Variants in COMMD10 observed in about 807,000 individuals in gnomAD.
COMMD10 encodes the protein COMM domain containing 10.
In COMMD10, 33 loss-of-function variants were observed where a neutral mutation model predicts 28.9. The observed-to-expected ratio is 1.14, with a 90% CI of 0.87 to 1.53. COMMD10 has a LOEUF of 1.53. Ranked by LOEUF, COMMD10 falls within the 40% of genes most tolerant of loss-of-function variation. COMMD10 has a pLI of 0.00. For synonymous variants in COMMD10, 110 were observed against 81.7 expected, an observed-to-expected ratio of 1.35 and a Z score of -1.87; for missense variants, 310 against 233.4, an observed-to-expected ratio of 1.33 and a Z score of -2.14.
intron 5 of COMMD10, among the ~76,000 whole-genome samples, chr5:116,243,637 C>T (rs564566675): frequency 6.6e-6 from 1 of 152,198 alleles, no homozygotes; most frequent in South Asian, 2.1e-4. Flanking sequence ...AGTGAGTATT[C>T]AGTAAATTTA....
chr5:116,291,370 A>T, intron 5 of COMMD10, 147 bp from the exon 6 acceptor site: 2 of 590,098 alleles, frequency 3.4e-6, no homozygotes, highest in South Asian at 4.3e-5. Flanking sequence ...GAGTTCTAGG[A>T]ATCATGGGGT....
chr5:116,086,019 T>C (rs1750079427), intron 1 of COMMD10, among the ~76,000 whole-genome samples: 1 of 152,196 alleles, frequency 6.6e-6, no homozygotes, highest in Non-Finnish European at 1.5e-5. Flanking sequence ...GAAACTACCC[T>C]CCACAGTGTG....
intron 4 of COMMD10, among the ~76,000 whole-genome samples, chr5:116,132,716 T>G (rs1177395555): frequency 6.6e-6 from 1 of 152,166 alleles, no homozygotes; most frequent in Non-Finnish European, 1.5e-5. Flanking sequence ...TCCTATTTTA[T>G]TGGAGAGTCT....
chr5:116,198,496 G>A (rs1460602512), intron 5 of COMMD10, among the ~76,000 whole-genome samples: 3 of 152,190 alleles, frequency 2.0e-5, no homozygotes, highest in East Asian at 1.9e-4. Context: ...AGAGTGATAT[G>A]TTTGTCACAA....
chr5:116,093,815 T>A (rs1750381317), intron 4 of COMMD10, among the ~76,000 whole-genome samples: 1 of 152,144 alleles, frequency 6.6e-6, no homozygotes, highest in Non-Finnish European at 1.5e-5. Flanking sequence ...ATGGTGTTGG[T>A]AGAAAAGCAG....
In COMMD10 at chr5:116,092,713, C is replaced by G; in HGVS notation, c.399+13C>G. The G allele has an allele frequency of 6.5e-7, 1 of 1,541,524 alleles. No homozygotes were observed. The highest frequency in any genetic ancestry group is 8.8e-7 in the Non-Finnish European group (1 of 1,140,938). ...GGCTCCCTGTAAGGTATAGAACATA[C>G]TGTCTTAAATATGTTTTTCAATAAC... is the stretch of plus-strand genomic sequence containing the variant. On this transcript the variant is annotated intron_variant, in intron 4 of 6. Coordinates refer to ENST00000274458, the MANE Select transcript of COMMD10 (RefSeq NM_016144.4).
At chr5:116,162,520 C>G (rs190085979) in intron 5 of COMMD10, among the ~76,000 whole-genome samples, 252 of 152,264 alleles carry the variant, frequency 1.7e-3, no homozygotes, top group African/African-American at 5.7e-3. Flanking sequence ...AATAAGACTG[C>G]TACTACATAG....
intron 5 of COMMD10, among the ~76,000 whole-genome samples, chr5:116,190,023 A>C (rs533636563): frequency 2.4e-4 from 36 of 152,312 alleles, no homozygotes; most frequent in African/African-American, 8.2e-4. Context: ...TATGTGACCT[A>C]TGCCTAAGCA....
chr5:116,239,431 T>TA (rs982711101), intron 5 of COMMD10, among the ~76,000 whole-genome samples: 35 of 152,220 alleles, frequency 2.3e-4, no homozygotes, highest in African/African-American at 8.4e-4. Context: ...TTTTAATTTT[T>TA]AAAAAACTCG....
intron 5 of COMMD10, among the ~76,000 whole-genome samples, chr5:116,158,739 A>G (rs1022030454): frequency 4.6e-5 from 7 of 151,984 alleles, no homozygotes; most frequent in Non-Finnish European, 7.4e-5. Flanking sequence ...AGACTAATTC[A>G]TTCCTGTCTT....
At chr5:116,269,874 A>G (rs1750707003) in intron 5 of COMMD10, among the ~76,000 whole-genome samples, 1 of 151,830 alleles carries the variant, frequency 6.6e-6, no homozygotes, top group Non-Finnish European at 1.5e-5. Context: ...GAGAGAATTA[A>G]TATATATTTT....
intron 5 of COMMD10, among the ~76,000 whole-genome samples, chr5:116,263,067 C>G (rs1750490836): frequency 6.6e-6 from 1 of 151,776 alleles, no homozygotes; most frequent in Non-Finnish European, 1.5e-5. Context: ...TATTGGTTGT[C>G]ATGATTTAAA....
intron 5 of COMMD10, among the ~76,000 whole-genome samples, chr5:116,182,150 CTG>C (rs1454571746): frequency 6.6e-6 from 1 of 151,994 alleles, no homozygotes; most frequent in African/African-American, 2.4e-5. Flanking sequence ...ACAACTAGGT[CTG>C]TTAAGAGGAG....
intron 5 of COMMD10, among the ~76,000 whole-genome samples, chr5:116,209,752 T>C (rs565398552): frequency 2.6e-5 from 4 of 152,316 alleles, no homozygotes; most frequent in East Asian, 1.9e-4. Flanking sequence ...CTTAAATATA[T>C]GTTTTTGTAT....
intron 5 of COMMD10, among the ~76,000 whole-genome samples, chr5:116,178,813 G>A (rs1747844756): frequency 6.6e-6 from 1 of 152,122 alleles, no homozygotes; most frequent in South Asian, 2.1e-4. Flanking sequence ...GAAGTGGTTA[G>A]CTGTAGTTGA....
At chr5:116,101,715 C>T (rs1019127515) in intron 4 of COMMD10, among the ~76,000 whole-genome samples, 2 of 152,170 alleles carry the variant, frequency 1.3e-5, no homozygotes, top group Non-Finnish European at 2.9e-5. Flanking sequence ...TGAGCCACTG[C>T]GCCCGGACTT....
intron 5 of COMMD10, among the ~76,000 whole-genome samples, chr5:116,214,151 C>A (rs1056469168): frequency 1.3e-5 from 2 of 152,070 alleles, no homozygotes; most frequent in Non-Finnish European, 2.9e-5. Context: ...TTAGCTGTTG[C>A]TTTCTGGACC....
chr5:116,116,703 AT>A (rs70978604), intron 4 of COMMD10, among the ~76,000 whole-genome samples: 1,697 of 121,490 alleles, frequency 0.014, 80 homozygotes, highest in African/African-American at 0.048. Flanking sequence ...AAATGCAGAG[AT>A]TTTTTTTTTT....
intron 5 of COMMD10, among the ~76,000 whole-genome samples, chr5:116,220,473 T>C (rs1031031249): frequency 6.6e-6 from 1 of 152,082 alleles, no homozygotes; most frequent in Non-Finnish European, 1.5e-5. Flanking sequence ...TAATAAACTT[T>C]GGGAGTGTTA....
Sources: gnomAD v4.1 joint callset for allele counts (sites outside exome capture counted in the v4.1 genomes callset) on GRCh38, gnomAD v4.1.1 for gene constraint, MANE v1.5 for transcripts, NCBI Gene and HGNC (gene_info 2026-07-23, HGNC 2026-07-21) for gene names.